ITGB2: variants seen among roughly 807,000 people sequenced by gnomAD.
ITGB2 encodes the protein integrin subunit beta 2, also known as integrin beta-2.
Under a neutral mutation model 86.8 loss-of-function variants are expected in ITGB2, and 56 were observed. The ratio of observed to expected loss-of-function variants is 0.65; its 90% CI spans 0.52 to 0.81. ITGB2 has a LOEUF of 0.81. ITGB2 is among the 30% of genes least tolerant of loss of function. The pLI is 0.00. For missense variants in ITGB2, 948 were observed against 1,061.2 expected, an observed-to-expected ratio of 0.89 and a Z score of 1.48; for synonymous variants, 457 against 450.4, an observed-to-expected ratio of 1.01 and a Z score of -0.19.
intron 5 of ITGB2, among the ~76,000 whole-genome samples, chr21:44,902,846 G>A (rs1000730565): frequency 8.5e-5 from 13 of 152,328 alleles, no homozygotes; most frequent in South Asian, 2.1e-4. Flanking sequence ...GTGCATCCCC[G>A]CATGTAGGGA....
At chr21:44,909,059 C>T (rs1463375017) in intron 3 of ITGB2, among the ~76,000 whole-genome samples, 1 of 152,212 alleles carries the variant, frequency 6.6e-6, no homozygotes, top group African/African-American at 2.4e-5. Context: ...CGGGGACCAG[C>T]ACGGCACCAA....
At chr21:44,889,123 G>T in intron 13 of ITGB2, 153 bp downstream of exon 13, 2 of 760,306 alleles carry the variant, frequency 2.6e-6, no homozygotes, top group Non-Finnish European at 4.3e-6. Flanking sequence ...ACAGGGGCAC[G>T]GCGGCCGCGG....
In ITGB2 at chr21:44,889,303, C is replaced by T. The variant is rs1023125903; in HGVS notation, c.1850G>A (p.Gly617Asp). The change falls in exon 13 of 16, where the codon GGC (glycine) becomes GAC (aspartate). Residue 617 changes from glycine (G) to aspartate (D), a missense_variant. Coordinates refer to ENST00000652462, the MANE Select transcript of ITGB2 (RefSeq NM_000211.5). ...YQLPLCQECP[G>D]CPSPCGKYIS... ...GTACTTGCCACAGGGTGAGGGGCAG[C>T]CGGGGCACTCCTGGCACAGAGGCAG... 1.9e-6 allele frequency: 3 copies of T among 1,612,706 alleles called. No homozygotes were observed. The highest frequency in any genetic ancestry group is 1.7e-6 in the Non-Finnish European group (2 of 1,179,854).
upstream of ITGB2, among the ~76,000 whole-genome samples, chr21:44,922,711 A>C (rs2084324004): frequency 1.3e-5 from 2 of 152,040 alleles, no homozygotes; most frequent in African/African-American, 2.4e-5. Context: ...GTAAGGGAAA[A>C]TAGAACAAAC....
chr21:44,893,121 T>C lies in ITGB2; in HGVS notation c.1224+283A>G, dbSNP rs1008110989. The C allele has an allele frequency of 6.0e-4, 238 of 396,176 alleles. 1 individual carries two copies. The highest frequency in any genetic ancestry group is 1.7e-4 in the Non-Finnish European group (36 of 207,038). 24.5% of individuals were successfully genotyped at this position (396,176 alleles called of 1,614,324 possible). A position where few individuals can be genotyped will look rare whatever the true frequency, so the allele number is the denominator to read the frequency against. ...AAGCACCCTCTCGGCACCCTCTCAC[T>C]GACGTTCCTGACATCAGCTTCACAA... On this transcript the variant is annotated intron_variant, in intron 10 of 15. Coordinates refer to ENST00000652462, the MANE Select transcript of ITGB2 (RefSeq NM_000211.5).
At chr21:44,897,324 G>A (rs1029683408) in intron 8 of ITGB2, among the ~76,000 whole-genome samples, 4 of 152,314 alleles carry the variant, frequency 2.6e-5, no homozygotes, top group East Asian at 3.9e-4. Context: ...CCCAAACCCC[G>A]AGTATGTCTC....
intron 8 of ITGB2, among the ~76,000 whole-genome samples, chr21:44,896,044 C>G (rs111524772): frequency 4.0e-5 from 6 of 151,102 alleles, no homozygotes; most frequent in African/African-American, 1.5e-4. Flanking sequence ...GGTGTGAGTG[C>G]TCCCGCCTGC....
chr21:44,893,394 C>T lies in ITGB2; in HGVS notation c.1224+10G>A. 1 of 1,613,478 alleles carries T rather than the reference C, an allele frequency of 6.2e-7. No homozygotes were observed. The highest frequency in any genetic ancestry group is 8.5e-7 in the Non-Finnish European group (1 of 1,179,724). On this transcript the variant is annotated intron_variant, in intron 10 of 15. Coordinates refer to ENST00000652462, the MANE Select transcript of ITGB2 (RefSeq NM_000211.5). Reference sequence around the variant, plus strand: ...CAAGCTGGGATGGGGACCCTTGTGGCCAGGCTCACCGGGACATTGATCTGC... The same window carrying T: ...CAAGCTGGGATGGGGACCCTTGTGGTCAGGCTCACCGGGACATTGATCTGC...
At chr21:44,888,210 G>A (rs1000896457) in intron 14 of ITGB2, among the ~76,000 whole-genome samples, 1 of 152,202 alleles carries the variant, frequency 6.6e-6, no homozygotes, top group African/African-American at 2.4e-5. Flanking sequence ...GACTGGAGCC[G>A]AACGAGTGAT....
At chr21:44,921,887 G>A (rs2084311012), upstream of ITGB2, among the ~76,000 whole-genome samples, 1 of 152,048 alleles carries the variant, frequency 6.6e-6, no homozygotes, top group African/African-American at 2.4e-5. Flanking sequence ...CCACGCCTGG[G>A]TAATTTTTGT....
At chr21:44,903,276 C>G in intron 5 of ITGB2, 89 bp downstream of exon 5, 1 of 1,528,720 alleles carries the variant, frequency 6.5e-7, no homozygotes, top group Non-Finnish European at 9.1e-7. Context: ...CCCTGGGGAC[C>G]TGAGTGCGAG....
At position 44,910,382 on chromosome 21, in the gene ITGB2, G is replaced by T; in HGVS notation, c.59-10C>A. ...CACTCCTGAGAGAGGACTGAGGGAC[G>T]AGGCCGGCTGGTGAGTGGGTGCTCT... is the stretch of plus-strand genomic sequence containing the variant. On this transcript the variant is annotated splice_polypyrimidine_tract_variant and intron_variant, in intron 2 of 15. Transcript: ENST00000652462. 1.9e-6 allele frequency: 3 copies of T among 1,614,104 alleles called. No individual in the cohort carries two copies. Among genetic ancestry groups the T allele is most frequent in the Non-Finnish European group, 2.5e-6 (3 of 1,180,012 alleles).
intron 1 of ITGB2, 76 bp from the exon 2 acceptor site, chr21:44,910,861 G>A: frequency 6.8e-7 from 1 of 1,463,852 alleles, no homozygotes; most frequent in Non-Finnish European, 9.4e-7. Context: ...CTCCCCTCCA[G>A]CTGGCCTGGG....
At chr21:44,888,949 A>C in intron 13 of ITGB2, 54 bp from the exon 14 acceptor site, 92 of 1,443,280 alleles carry the variant, frequency 6.4e-5, no homozygotes, top group Non-Finnish European at 7.2e-5. Flanking sequence ...GGCTCCGGCA[A>C]CGGGGGCTCG....
At position 44,892,886 on chromosome 21, in the gene ITGB2, ACACG is replaced by A. The variant is rs1285211676; in HGVS notation, c.1224+514_1224+517del. On this transcript the variant is annotated intron_variant, in intron 10 of 15. Coordinates refer to ENST00000652462, the MANE Select transcript of ITGB2 (RefSeq NM_000211.5). ...GTTTCTGTCAAAAAAACAGAATGAAACACGCAGAAAATCATGACAACTAACCCTA... is the reference window on the plus strand; with the variant it reads ...GTTTCTGTCAAAAAAACAGAATGAAACAGAAAATCATGACAACTAACCCTA... 6 of 171,020 alleles carry A rather than the reference ACACG, an allele frequency of 3.5e-5. No individual in the cohort carries two copies. In the East Asian group the frequency reaches 7.5e-4, roughly 21 times the overall value. 10.6% of individuals were successfully genotyped at this position (171,020 alleles called of 1,614,324 possible).
chr21:44,887,599 C>A (rs959047459), intron 14 of ITGB2, among the ~76,000 whole-genome samples: 1 of 151,854 alleles, frequency 6.6e-6, no homozygotes, highest in Admixed American at 6.6e-5. Context: ...ACTCCCTGTG[C>A]CCCCTCCTGC....
chr21:44,903,348 C>A lies in ITGB2; in HGVS notation c.499+17G>T. 1 of 1,613,942 alleles carries A rather than the reference C, an allele frequency of 6.2e-7. No individual in the cohort carries two copies. Among genetic ancestry groups the A allele is most frequent in the Non-Finnish European group, 8.5e-7 (1 of 1,179,888 alleles). ...TGGGAAAGGACTGGGTTTTGTCCTG[C>A]AGTGCCTGGGCCTCACCAATGCGGC... On this transcript the variant is annotated intron_variant, in intron 5 of 15. Coordinates refer to ENST00000652462, the MANE Select transcript of ITGB2 (RefSeq NM_000211.5).
chr21:44,901,120 C>A (rs760464), intron 6 of ITGB2, among the ~76,000 whole-genome samples: 59,085 of 151,936 alleles, frequency 0.39, 11,599 homozygotes, highest in African/African-American at 0.43. Flanking sequence ...GGGCAGCCAG[C>A]GCCCACCCGG....
At chr21:44,910,593 G>T (rs1474367415) in intron 2 of ITGB2, 132 bp downstream of exon 2, 1 of 1,375,944 alleles carries the variant, frequency 7.3e-7, no homozygotes, top group Admixed American at 2.0e-5. Flanking sequence ...CTGAGTCCCC[G>T]ACCTACCCCC....
Sources: allele counts gnomAD v4.1 joint callset (sites outside exome capture counted in the v4.1 genomes callset), GRCh38; gene constraint gnomAD v4.1.1; transcripts MANE v1.5; gene names NCBI Gene and HGNC (gene_info 2026-07-23, HGNC 2026-07-21).